The following C3orf85 variants were observed in gnomAD, a reference collection of about 807,000 sequenced individuals.
The protein encoded by C3orf85 is uncharacterized protein C3orf85.
In C3orf85, 1 loss-of-function variant was observed where a neutral mutation model predicts 1.7. The observed-to-expected ratio is 0.60, with a 90% CI of 0.21 to 2.86. The LOEUF is 2.86. Ranked by LOEUF, C3orf85 falls within the 30% of genes most tolerant of loss-of-function variation. The pLI is 0.22. For missense variants in C3orf85, 29 were observed against 21.3 expected (o/e 1.36, Z -0.72); for synonymous variants, 17 against 8.0 (o/e 2.13, Z -1.90).
chr3:109,147,741 G>T (rs994881114), intron 2 of C3orf85, among the ~76,000 whole-genome samples: 2 of 152,144 alleles, frequency 1.3e-5, no homozygotes, highest in African/African-American at 2.4e-5. Context: ...AGGTTTGGGA[G>T]CAGCATAGTT....
At chr3:109,148,439 A>G (rs1468120983) in intron 3 of C3orf85, 53 bp downstream of exon 3, 9 of 701,092 alleles carry the variant, frequency 1.3e-5, no homozygotes, top group African/African-American at 3.5e-5. Context: ...TTAAATAGTC[A>G]TTGCATTAGC....
chr3:109,149,991 A>G lies in C3orf85; in HGVS notation c.*97A>G, dbSNP rs1706850705. ...GTTTTAGAGATCTGAGGGTATATCC[A>G]TGCTGTTTACTACATTATTTATTAT... On this transcript the variant is annotated 3_prime_UTR_variant, in exon 4 of 4. Transcript: ENST00000622536. 5.1e-6 allele frequency: 2 copies of G among 393,158 alleles called. No homozygotes were observed. The highest frequency in any genetic ancestry group is 9.0e-6 in the Non-Finnish European group (2 of 222,472). The allele number at this position is 393,158 out of a possible 1,614,324, so 24.4% of individuals were successfully genotyped here. A position where few individuals can be genotyped will look rare whatever the true frequency, so the allele number is the denominator to read the frequency against.
intron 2 of C3orf85, among the ~76,000 whole-genome samples, chr3:109,137,412 G>A (rs1706690133): frequency 6.6e-6 from 1 of 151,690 alleles, no homozygotes; most frequent in African/African-American, 2.4e-5. Context: ...GAACTGAGAG[G>A]TCATTTGTTT....
intron 3 of C3orf85, chr3:109,148,929 T>C (rs1706832793): frequency 6.6e-6 from 1 of 152,278 alleles, no homozygotes; most frequent in Non-Finnish European, 1.5e-5. Context: ...GCTTTAATGT[T>C]GTTCCTCCTT....
intron 2 of C3orf85, among the ~76,000 whole-genome samples, chr3:109,141,342 C>G (rs1706741727): frequency 6.6e-6 from 1 of 152,156 alleles, no homozygotes; most frequent in South Asian, 2.1e-4. Flanking sequence ...AGCAATTCAG[C>G]ACCCCTCTCC....
At chr3:109,145,896 T>C (rs961744847) in intron 2 of C3orf85, among the ~76,000 whole-genome samples, 7 of 152,184 alleles carry the variant, frequency 4.6e-5, no homozygotes, top group African/African-American at 1.7e-4. Context: ...CTCCATTCTT[T>C]AACTCTCCAG....
chr3:109,139,919 T>C lies in C3orf85; in HGVS notation c.49+3023T>C, dbSNP rs1265146087. ...AAGATTTTTGATTTGCTTTGTTTTT[T>C]GACAAGAGCTTTTAAGCTCACATAT... On this transcript the variant is annotated intron_variant, in intron 2 of 3. Coordinates refer to ENST00000622536, the MANE Select transcript of C3orf85 (RefSeq NM_001351622.2). Among the ~76,000 whole-genome samples the C allele has an allele frequency of 2.0e-5, 3 of 152,222 alleles. No homozygotes were observed. In the East Asian group the frequency reaches 5.8e-4, roughly 29 times the overall value.
intron 2 of C3orf85, 23 bp from the exon 3 acceptor site, chr3:109,148,230 T>G: frequency 1.4e-6 from 1 of 698,298 alleles, no homozygotes; most frequent in South Asian, 1.5e-5. Context: ...AAAGATGCTG[T>G]GCTCTTGGAC....
chr3:109,147,873 G>T (rs6779234), intron 2 of C3orf85, among the ~76,000 whole-genome samples: 47,154 of 151,966 alleles, frequency 0.31, 8,099 homozygotes, highest in Middle Eastern at 0.4. Flanking sequence ...GCAAGTGTGT[G>T]TGCATTATTA....
At chr3:109,141,847 T>C (rs1706746156) in intron 2 of C3orf85, among the ~76,000 whole-genome samples, 1 of 152,056 alleles carries the variant, frequency 6.6e-6, no homozygotes, top group Non-Finnish European at 1.5e-5. Context: ...CTGGCCAGAA[T>C]GGCAAACCCC....
At chr3:109,145,158 G>A (rs941560073) in intron 2 of C3orf85, among the ~76,000 whole-genome samples, 8 of 151,996 alleles carry the variant, frequency 5.3e-5, no homozygotes, top group African/African-American at 9.7e-5. Context: ...CTCTGATCTC[G>A]TGTCCCTCAC....
At chr3:109,142,350 T>A (rs984810470) in intron 2 of C3orf85, among the ~76,000 whole-genome samples, 1 of 152,196 alleles carries the variant, frequency 6.6e-6, no homozygotes, top group Non-Finnish European at 1.5e-5. Context: ...ATAAAAATAG[T>A]AAACAATAAA....
intron 2 of C3orf85, among the ~76,000 whole-genome samples, chr3:109,146,523 A>T (rs575469598): frequency 1.3e-5 from 2 of 152,180 alleles, no homozygotes; most frequent in South Asian, 4.1e-4. Flanking sequence ...AAAGATGTCA[A>T]TGGGGGCTGC....
intron 2 of C3orf85, among the ~76,000 whole-genome samples, chr3:109,139,127 C>T (rs1261514194): frequency 6.6e-6 from 1 of 152,222 alleles, no homozygotes; most frequent in African/African-American, 2.4e-5. Flanking sequence ...CCAAGCTACA[C>T]AGTCAATCAA....
intron 2 of C3orf85, among the ~76,000 whole-genome samples, chr3:109,147,451 A>G (rs1253741378): frequency 2.0e-5 from 3 of 152,192 alleles, no homozygotes. Context: ...TATCACAATG[A>G]ACAGATTGTA....
At chr3:109,139,328 A>G (rs4855580) in intron 2 of C3orf85, among the ~76,000 whole-genome samples, 133,487 of 152,228 alleles carry the variant, frequency 0.88, 58,596 homozygotes, top group East Asian at 0.93. Flanking sequence ...CATAAGAAAC[A>G]ACCAGGAGTT....
In C3orf85 at chr3:109,149,781, G is replaced by T. The variant is rs1250578587; in HGVS notation, c.184-24G>T. Reference sequence around the variant, plus strand: ...TGTGTTCTACACACTCAGAGATCATGACTTGTGTTTCCTTTTCTTGAAGGC... The same window carrying T: ...TGTGTTCTACACACTCAGAGATCATTACTTGTGTTTCCTTTTCTTGAAGGC... On this transcript the variant is annotated intron_variant, in intron 3 of 3. Coordinates refer to ENST00000622536, the MANE Select transcript of C3orf85 (RefSeq NM_001351622.2). The T allele has an allele frequency of 1.0e-5, 4 of 398,266 alleles. No individual in the cohort carries two copies. The South Asian group carries it at 5.1e-4, about 51-fold the overall frequency. The allele number at this position is 398,266 out of a possible 1,614,324, so 24.7% of individuals were successfully genotyped here.
chr3:109,139,633 A>T (rs1706721797), intron 2 of C3orf85, among the ~76,000 whole-genome samples: 1 of 152,214 alleles, frequency 6.6e-6, no homozygotes, highest in Non-Finnish European at 1.5e-5. Context: ...TCTTCTGCTA[A>T]AATGAAAAAT....
chr3:109,148,522 T>C (rs1292163794), intron 3 of C3orf85, 136 bp downstream of exon 3: 18 of 613,016 alleles, frequency 2.9e-5, no homozygotes, highest in Non-Finnish European at 4.7e-5. Context: ...ATATCTGCTT[T>C]TTCTTGCCCA....
Sources: allele counts gnomAD v4.1 joint callset (sites outside exome capture counted in the v4.1 genomes callset), GRCh38; gene constraint gnomAD v4.1.1; transcripts MANE v1.5; gene names NCBI Gene and HGNC (gene_info 2026-07-23, HGNC 2026-07-21).